GALNT13: variants seen among roughly 807,000 people sequenced by gnomAD.
GALNT13 encodes the protein polypeptide N-acetylgalactosaminyltransferase 13.
In GALNT13, 28 loss-of-function variants were observed where a neutral mutation model predicts 64.2. The ratio of observed to expected loss-of-function variants is 0.44; its 90% CI spans 0.32 to 0.60. The LOEUF is 0.60. GALNT13 is among the 20% of genes least tolerant of loss of function. GALNT13 has a pLI of 0.05. For missense variants in GALNT13, 577 were observed against 669.8 expected (o/e 0.86, Z 1.53); for synonymous variants, 214 against 224.6 (o/e 0.95, Z 0.42).
chr2:154,189,349 G>A (rs1686436238), intron 4 of GALNT13, among the ~76,000 whole-genome samples: 1 of 152,012 alleles, frequency 6.6e-6, no homozygotes, highest in Admixed American at 6.6e-5. Context: ...CACTGTATTT[G>A]GAGATGGAAC....
chr2:153,661,509 A>C, the GALNT13 span, among the ~76,000 whole-genome samples: 1 of 152,176 alleles, frequency 6.6e-6, no homozygotes, highest in Non-Finnish European at 1.5e-5. Context: ...ACTAATTGTA[A>C]GAAGAAAAAC....
At chr2:153,258,255 T>A in the GALNT13 span, among the ~76,000 whole-genome samples, 1 of 152,194 alleles carries the variant, frequency 6.6e-6, no homozygotes, top group Non-Finnish European at 1.5e-5. Context: ...CTATCATGAT[T>A]TACTTTTAAA....
At chr2:153,863,590 C>T in the GALNT13 span, among the ~76,000 whole-genome samples, 1 of 152,028 alleles carries the variant, frequency 6.6e-6, no homozygotes, top group African/African-American at 2.4e-5. Context: ...ATCTATTGAG[C>T]TATTTTTGAT....
chr2:154,447,074 C>A (rs757644820), intron 12 of GALNT13, among the ~76,000 whole-genome samples: 10 of 151,400 alleles, frequency 6.6e-5, no homozygotes, highest in Non-Finnish European at 8.8e-5. Flanking sequence ...CAAACTATAG[C>A]CATGTCTATA....
At chr2:154,151,546 T>C (rs1684025487) in intron 4 of GALNT13, among the ~76,000 whole-genome samples, 1 of 152,194 alleles carries the variant, frequency 6.6e-6, no homozygotes, top group Non-Finnish European at 1.5e-5. Context: ...AGTCTCCCAC[T>C]ATTATTGTGT....
At chr2:153,733,280 T>C in the GALNT13 span, among the ~76,000 whole-genome samples, 1 of 152,176 alleles carries the variant, frequency 6.6e-6, no homozygotes, top group Non-Finnish European at 1.5e-5. Context: ...TCATTTATCA[T>C]GTGTCCATCG....
the GALNT13 span, among the ~76,000 whole-genome samples, chr2:153,306,317 C>CT: frequency 2.2e-4 from 33 of 152,068 alleles, no homozygotes; most frequent in South Asian, 2.9e-3. Flanking sequence ...ACTTCAGCTT[C>CT]TTTTTTTTCT....
At chr2:153,319,028 G>T in the GALNT13 span, among the ~76,000 whole-genome samples, 1 of 152,122 alleles carries the variant, frequency 6.6e-6, no homozygotes, top group African/African-American at 2.4e-5. Flanking sequence ...AGGGTTCAGA[G>T]AAGTTATACA....
intron 9 of GALNT13, among the ~76,000 whole-genome samples, chr2:154,309,423 A>G (rs899553153): frequency 2.2e-4 from 34 of 152,312 alleles, no homozygotes; most frequent in African/African-American, 7.9e-4. Flanking sequence ...TGGGTAATTT[A>G]TAAAGATAAA....
chr2:153,776,045 G>A, the GALNT13 span, among the ~76,000 whole-genome samples: 148 of 152,090 alleles, frequency 9.7e-4, no homozygotes, highest in African/African-American at 3.3e-3. Flanking sequence ...AGGAAACTTC[G>A]AAGAAATATT....
At chr2:153,092,089 T>C in the GALNT13 span, among the ~76,000 whole-genome samples, 258 of 152,316 alleles carry the variant, frequency 1.7e-3, no homozygotes, top group African/African-American at 5.9e-3. Context: ...GAACCACATA[T>C]TGAAGAGACT....
intron 3 of GALNT13, among the ~76,000 whole-genome samples, chr2:153,957,667 G>A (rs1247269196): frequency 6.6e-6 from 1 of 152,188 alleles, no homozygotes; most frequent in East Asian, 1.9e-4. Flanking sequence ...TCCCATCCCA[G>A]ATGCCAATTT....
the GALNT13 span, among the ~76,000 whole-genome samples, chr2:153,719,732 C>G: frequency 1.3e-5 from 2 of 152,024 alleles, no homozygotes; most frequent in Middle Eastern, 3.4e-3. Context: ...CACTCCCACC[C>G]GAATATTGCG....
chr2:153,274,860 A>G, the GALNT13 span, among the ~76,000 whole-genome samples: 78,975 of 152,090 alleles, frequency 0.52, 21,176 homozygotes, highest in Middle Eastern at 0.65. Context: ...GGGTTCTTCT[A>G]CAAAATGATG....
chr2:154,277,554 T>G (rs1376950616), intron 8 of GALNT13, among the ~76,000 whole-genome samples: 1 of 152,120 alleles, frequency 6.6e-6, no homozygotes, highest in Non-Finnish European at 1.5e-5. Flanking sequence ...ATTATGAGAT[T>G]TATTTAAATA....
chr2:153,129,230 T>C, the GALNT13 span, among the ~76,000 whole-genome samples: 1 of 152,192 alleles, frequency 6.6e-6, no homozygotes, highest in Non-Finnish European at 1.5e-5. Context: ...CTGGTCTTGC[T>C]CGAGGGTTTC....
chr2:153,758,304 T>G, the GALNT13 span, among the ~76,000 whole-genome samples: 3 of 64,518 alleles, frequency 4.6e-5, no homozygotes, highest in Non-Finnish European at 7.2e-5. Context: ...TAAATGGGGT[T>G]TTTTTTTTTT....
chr2:153,579,983 C>T, the GALNT13 span, among the ~76,000 whole-genome samples: 2,353 of 152,166 alleles, frequency 0.015, 33 homozygotes, highest in South Asian at 0.028. Flanking sequence ...TGTAATTCAA[C>T]GGCTCAAATA....
the GALNT13 span, among the ~76,000 whole-genome samples, chr2:153,286,487 T>C: frequency 6.6e-6 from 1 of 152,160 alleles, no homozygotes; most frequent in Non-Finnish European, 1.5e-5. Flanking sequence ...ATTTAGAATA[T>C]AAGATTAGTT....
Sources: allele counts gnomAD v4.1 joint callset (sites outside exome capture counted in the v4.1 genomes callset), GRCh38; gene constraint gnomAD v4.1.1; transcripts MANE v1.5; gene names NCBI Gene and HGNC (gene_info 2026-07-23, HGNC 2026-07-21).